The following NCOR2 variants were observed in gnomAD, a reference collection of about 807,000 sequenced individuals.
NCOR2 encodes the protein CTG repeat protein 26.
NCOR2 carries 81 observed loss-of-function variants against 262.9 expected under a neutral mutation model. The ratio of observed to expected loss-of-function variants is 0.31; its 90% CI spans 0.26 to 0.37. The LOEUF (loss-of-function observed/expected upper bound fraction) is 0.37. Among genes scored for constraint, NCOR2 ranks in the 10% least tolerant of loss-of-function variants. The pLI is 1.00. For synonymous variants in NCOR2, 1,659 were observed against 1,559.3 expected (o/e 1.06, Z -1.51); for missense variants, 3,385 against 3,621.4 (o/e 0.93, Z 1.68).
chr12:124,563,140 C>A (rs1477495522), intron 1 of NCOR2, among the ~76,000 whole-genome samples: 1 of 152,202 alleles, frequency 6.6e-6, no homozygotes, highest in East Asian at 1.9e-4. Flanking sequence ...GCACCCAAAC[C>A]CTGAGAGCAA....
At chr12:124,326,094 G>T in intron 46 of NCOR2, 97 bp downstream of exon 48, 2 of 1,292,544 alleles carry the variant, frequency 1.5e-6, no homozygotes, top group Non-Finnish European at 2.0e-6. Context: ...TCTGAGCTCT[G>T]CATGCAGCAG....
intron 4 of NCOR2, 108 bp downstream of exon 6, chr12:124,472,844 G>T: frequency 6.9e-7 from 1 of 1,450,062 alleles, no homozygotes; most frequent in Non-Finnish European, 9.6e-7. Flanking sequence ...AAACCAGTGA[G>T]CACCCAGGAA....
intron 22 of NCOR2, among the ~76,000 whole-genome samples, chr12:124,360,358 A>G (rs1293946681): frequency 6.6e-6 from 1 of 152,192 alleles, no homozygotes; most frequent in African/African-American, 2.4e-5. Flanking sequence ...CTTTGCCTCC[A>G]AAACAAACTC....
At chr12:124,348,146 A>G (rs2037105328) in intron 29 of NCOR2, 28 bp downstream of exon 31, 1 of 1,606,532 alleles carries the variant, frequency 6.2e-7, no homozygotes. Context: ...GGGGGCACCG[A>G]GAGATGAAGT....
intron 1 of NCOR2, among the ~76,000 whole-genome samples, chr12:124,543,832 G>A (rs530164463): frequency 2.0e-5 from 3 of 152,216 alleles, no homozygotes; most frequent in Non-Finnish European, 2.9e-5. Context: ...CCAGCTGTCC[G>A]TCCACCTGTC....
At chr12:124,333,318 C>T (rs757606448) in intron 41 of NCOR2, 39 bp from the exon 44 acceptor site, 45 of 1,514,608 alleles carry the variant, frequency 3.0e-5, no homozygotes, top group Non-Finnish European at 3.7e-5. Flanking sequence ...TCAGAGGTCT[C>T]CCTACTGAGG....
At chr12:124,338,930 C>T (rs1311705870) in intron 37 of NCOR2, among the ~76,000 whole-genome samples, 1 of 110,252 alleles carries the variant, frequency 9.1e-6, no homozygotes, top group African/African-American at 3.5e-5. Flanking sequence ...ACCCAGCTAA[C>T]CCAGCCATCT....
chr12:124,521,979 T>C (rs1197218128), intron 1 of NCOR2, among the ~76,000 whole-genome samples: 1 of 152,160 alleles, frequency 6.6e-6, no homozygotes, highest in East Asian at 1.9e-4. Flanking sequence ...ATCATGCCAC[T>C]GCACTCCAGC....
intron 31 of NCOR2, 63 bp from the exon 34 acceptor site, chr12:124,345,014 C>A: frequency 7.2e-7 from 1 of 1,387,750 alleles, no homozygotes; most frequent in Non-Finnish European, 9.6e-7. Flanking sequence ...CAGCTGCATC[C>A]CCCTTCTGAG....
intron 34 of NCOR2, 117 bp downstream of exon 36, chr12:124,341,706 C>T (rs915048407): frequency 1.4e-6 from 2 of 1,471,090 alleles, no homozygotes; most frequent in Non-Finnish European, 1.8e-6. Flanking sequence ...GGTCCGTTCA[C>T]ACAAGGTGAC....
exon 13 of NCOR2, chr12:124,419,971 G>A: frequency 1.2e-6 from 2 of 1,613,836 alleles, no homozygotes; most frequent in East Asian, 2.2e-5. Context: ...CTCTTGCCGC[G>A]GCGCCGATAG....
intron 1 of NCOR2, among the ~76,000 whole-genome samples, chr12:124,553,699 GT>G (rs1566054882): frequency 1.3e-5 from 2 of 152,036 alleles, no homozygotes; most frequent in Admixed American, 1.3e-4. Flanking sequence ...TTTGAGCAAC[GT>G]TTTTTTTCTG....
upstream of NCOR2, among the ~76,000 whole-genome samples, chr12:124,540,187 G>A (rs1295935455): frequency 6.6e-6 from 1 of 150,876 alleles, no homozygotes; most frequent in Non-Finnish European, 1.5e-5. Flanking sequence ...CTGGAGTGAC[G>A]GACATAAACC....
At chr12:124,355,641 G>C (rs2037888585) in intron 23 of NCOR2, 70 bp from the exon 26 acceptor site, 2 of 1,473,172 alleles carry the variant, frequency 1.4e-6, no homozygotes, top group Non-Finnish European at 1.8e-6. Context: ...CACACTCCAG[G>C]CTGCACTCCA....
exon 42 of NCOR2, chr12:124,333,222 A>G: frequency 3.1e-6 from 5 of 1,613,098 alleles, no homozygotes; most frequent in Non-Finnish European, 4.2e-6. Flanking sequence ...GTGGGGACAC[A>G]GGTTCAATAC....
chr12:124,541,812 GGGGAGTGGAGATGGAGGGGGAT>G (rs2051367814), intron 1 of NCOR2, among the ~76,000 whole-genome samples: 1 of 15,612 alleles, frequency 6.4e-5, no homozygotes, highest in Admixed American at 7.2e-4. Flanking sequence ...GGAGGGGGAT[GGGGAGTGGAGATGGAGGGGGAT>G]GGGGAGTGGA....
upstream of NCOR2, among the ~76,000 whole-genome samples, chr12:124,499,382 TG>T (rs1268001583): frequency 2.0e-5 from 3 of 152,242 alleles, no homozygotes; most frequent in Non-Finnish European, 4.4e-5. Context: ...GGGCTAGTGC[TG>T]GGGACTTCTT....
chr12:124,335,788 A>G, intron 38 of NCOR2, 156 bp from the exon 41 acceptor site: 1 of 808,816 alleles, frequency 1.2e-6, no homozygotes, highest in Non-Finnish European at 1.9e-6. Context: ...TAAGGCAGAG[A>G]GGGGTGTTGG....
chr12:124,410,670 T>C (rs913336807), intron 13 of NCOR2, among the ~76,000 whole-genome samples: 5 of 152,094 alleles, frequency 3.3e-5, no homozygotes, highest in African/African-American at 1.2e-4. Flanking sequence ...CCTGGGGTGA[T>C]CTGGCCCGCC....
Sources: allele counts gnomAD v4.1 joint callset (sites outside exome capture counted in the v4.1 genomes callset), GRCh38; gene constraint gnomAD v4.1.1; transcripts MANE v1.5; gene names NCBI Gene and HGNC (gene_info 2026-07-23, HGNC 2026-07-21).